SBF2: variants seen among roughly 807,000 people sequenced by gnomAD.
SBF2 encodes SET binding factor 2, also known as myotubularin-related protein 13.
Under a neutral mutation model 225.2 loss-of-function variants are expected in SBF2, and 112 were observed. The observed-to-expected ratio is 0.50, with a 90% CI of 0.43 to 0.58. SBF2 has a LOEUF of 0.58. Ranked by LOEUF, SBF2 falls within the 20% of genes least tolerant of loss-of-function variation. The pLI is 0.00. For missense variants in SBF2, 1,996 were observed against 2,206.2 expected (o/e 0.90, Z 1.91); for synonymous variants, 763 against 773.3 (o/e 0.99, Z 0.22).
At chr11:10,058,833 G>C (rs1950340109) in intron 2 of SBF2, among the ~76,000 whole-genome samples, 1 of 152,186 alleles carries the variant, frequency 6.6e-6, no homozygotes, top group Admixed American at 6.6e-5. Flanking sequence ...CTACAAGCCA[G>C]AAGAGATTGG....
At chr11:10,069,147 C>T (rs1950750815) in intron 2 of SBF2, among the ~76,000 whole-genome samples, 1 of 152,118 alleles carries the variant, frequency 6.6e-6, no homozygotes, top group South Asian at 2.1e-4. Flanking sequence ...TAATTCACCA[C>T]ATAAAAATAA....
At chr11:10,220,105 G>T (rs1371799853) in intron 1 of SBF2, among the ~76,000 whole-genome samples, 2 of 152,168 alleles carry the variant, frequency 1.3e-5, no homozygotes. Flanking sequence ...GAAGTTTAAT[G>T]GACTCACAGT....
At chr11:10,224,148 A>G (rs1364292932) in intron 1 of SBF2, among the ~76,000 whole-genome samples, 4 of 151,988 alleles carry the variant, frequency 2.6e-5, no homozygotes, top group Non-Finnish European at 5.9e-5. Context: ...AATTTTCCCA[A>G]TATTTCTAGG....
At chr11:10,111,135 T>C (rs542682459) in intron 2 of SBF2, among the ~76,000 whole-genome samples, 58 of 152,308 alleles carry the variant, frequency 3.8e-4, no homozygotes, top group Non-Finnish European at 7.4e-4. Context: ...ATGTTAAAAT[T>C]ATATGCTGAC....
At chr11:9,963,059 A>G (rs967701560) in intron 15 of SBF2, among the ~76,000 whole-genome samples, 3 of 152,238 alleles carry the variant, frequency 2.0e-5, no homozygotes, top group African/African-American at 7.2e-5. Flanking sequence ...GTTTCATTGA[A>G]GAAGGCAAGA....
chr11:10,213,745 G>A (rs1958026093), intron 1 of SBF2, among the ~76,000 whole-genome samples: 1 of 152,146 alleles, frequency 6.6e-6, no homozygotes. Context: ...AGGAAGAAGG[G>A]TTACTTCTGC....
rs2133931593 is a variant in SBF2, at chr11:9,829,359, G to A, written c.3790C>T (p.Pro1264Ser). Reference protein sequence around the residue: ...LTVRPAFALSPGVWASLRSST... With the variant: ...LTVRPAFALSSGVWASLRSST... Reference sequence around the variant, plus strand: ...GAAAAGTATTATCAAATCTTACCTGGAGATAGAGCAAAGGCTGGCCTGACA... The same window carrying A: ...GAAAAGTATTATCAAATCTTACCTGAAGATAGAGCAAAGGCTGGCCTGACA... Residue 1264 changes from proline to serine, a missense_variant, in exon 28 of 40, where the codon CCA becomes TCA. Transcript: ENST00000256190. 6.2e-7 allele frequency: 1 copy of A among 1,614,130 alleles called. No homozygotes were observed. The highest frequency in any genetic ancestry group is 8.5e-7 in the Non-Finnish European group (1 of 1,179,998).
intron 2 of SBF2, among the ~76,000 whole-genome samples, chr11:10,174,371 C>G (rs962076611): frequency 1.3e-5 from 2 of 152,050 alleles, no homozygotes; most frequent in Non-Finnish European, 2.9e-5. Flanking sequence ...AATGCAGAAG[C>G]CTCAGGAGCT....
At chr11:9,903,987 G>A (rs1590386941) in intron 16 of SBF2, among the ~76,000 whole-genome samples, 1 of 152,068 alleles carries the variant, frequency 6.6e-6, no homozygotes. Context: ...GGTGCCAGCT[G>A]CCAATTTATC....
intron 16 of SBF2, among the ~76,000 whole-genome samples, chr11:9,898,553 C>T (rs911342242): frequency 6.6e-6 from 1 of 152,014 alleles, no homozygotes; most frequent in East Asian, 1.9e-4. Context: ...TGCATGTAGT[C>T]CCAGCTACTC....
intron 13 of SBF2, among the ~76,000 whole-genome samples, chr11:9,978,646 T>G (rs61877011): frequency 4.3e-5 from 4 of 94,036 alleles, no homozygotes; most frequent in African/African-American, 1.7e-4. Flanking sequence ...TTTTTGTTTG[T>G]TTGTTTTTGT....
Position 10,004,583 on chromosome 11 carries a change from AAAAAAAAAAAAAC to A in SBF2, c.620-1907_620-1895del, listed in dbSNP as rs1486198039. 9.0e-4 allele frequency among the ~76,000 whole-genome samples: 134 copies of A among 148,382 alleles called. 2 individuals carry two copies. The highest frequency in any genetic ancestry group is 6.4e-4 in the South Asian group (3 of 4,670). ...AGATAGCTACAAAAATTAAAAAAAA[AAAAAAAAAAAAAC>A]AAACTACATACCTCCCATACCTCCC... On this transcript the variant is annotated intron_variant, in intron 6 of 39. Coordinates refer to ENST00000256190, the MANE Select transcript of SBF2 (RefSeq NM_030962.4).
intron 2 of SBF2, among the ~76,000 whole-genome samples, chr11:10,105,082 G>A (rs909735138): frequency 6.6e-6 from 1 of 152,136 alleles, no homozygotes; most frequent in Non-Finnish European, 1.5e-5. Context: ...TTTAAGGTGA[G>A]AATAATGCTG....
intron 13 of SBF2, among the ~76,000 whole-genome samples, chr11:9,987,988 T>C (rs546242336): frequency 6.6e-6 from 1 of 152,256 alleles, no homozygotes; most frequent in African/African-American, 2.4e-5. Flanking sequence ...AGAACAAATT[T>C]AGAGGCATCA....
chr11:9,936,935 G>C (rs574325336), intron 16 of SBF2, among the ~76,000 whole-genome samples: 1 of 152,270 alleles, frequency 6.6e-6, no homozygotes, highest in African/African-American at 2.4e-5. Context: ...ACTCAGTTAA[G>C]AAAGAGTGGC....
intron 2 of SBF2, among the ~76,000 whole-genome samples, chr11:10,103,177 TATG>T (rs887608343): frequency 6.6e-6 from 1 of 152,176 alleles, no homozygotes; most frequent in Admixed American, 6.5e-5. Context: ...ATGAATGAAT[TATG>T]ATGACCTGAA....
chr11:10,049,806 T>C (rs774810934), intron 2 of SBF2, among the ~76,000 whole-genome samples: 2 of 152,140 alleles, frequency 1.3e-5, no homozygotes, highest in Admixed American at 1.3e-4. Context: ...AACGGTATAA[T>C]CCTTGGTAGA....
intron 3 of SBF2, among the ~76,000 whole-genome samples, chr11:10,037,029 T>G (rs570297374): frequency 3.3e-5 from 5 of 152,316 alleles, no homozygotes; most frequent in African/African-American, 1.2e-4. Flanking sequence ...TTATATCATT[T>G]TAAGCATGTT....
chr11:10,248,119 G>C (rs1959987023), intron 1 of SBF2, among the ~76,000 whole-genome samples: 1 of 152,120 alleles, frequency 6.6e-6, no homozygotes, highest in South Asian at 2.1e-4. Flanking sequence ...GATAAGGCCT[G>C]GCGACCTGTG....
Sources: allele counts gnomAD v4.1 joint callset (sites outside exome capture counted in the v4.1 genomes callset), GRCh38; gene constraint gnomAD v4.1.1; transcripts MANE v1.5; gene names NCBI Gene and HGNC (gene_info 2026-07-23, HGNC 2026-07-21).